The following LSM14A variants were observed in gnomAD, a reference collection of about 807,000 sequenced individuals.
The protein encoded by LSM14A is protein LSM14 homolog A.
LSM14A carries 14 observed loss-of-function variants against 52.4 expected under a neutral mutation model. That is an observed-to-expected ratio of 0.27 (90% CI 0.18 to 0.42). The LOEUF is 0.42. LSM14A is among the 10% of genes least tolerant of loss of function. The pLI is 1.00. For missense variants in LSM14A, 417 were observed against 581.8 expected (o/e 0.72, Z 2.91); for synonymous variants, 185 against 200.3 (o/e 0.92, Z 0.64).
intron 1 of LSM14A, among the ~76,000 whole-genome samples, chr19:34,174,480 C>T (rs1267598915): frequency 6.6e-6 from 1 of 152,192 alleles, no homozygotes; most frequent in Non-Finnish European, 1.5e-5. Flanking sequence ...TCCCTCTTCA[C>T]CTTGTGAAAC....
Position 34,192,632 on chromosome 19 carries a change from C to CAA in LSM14A, c.122-1812_122-1811dup, listed in dbSNP as rs548374017. 7.5e-3 allele frequency among the ~76,000 whole-genome samples: 577 copies of CAA among 76,866 alleles called. 33 individuals are homozygous for CAA. The highest frequency in any genetic ancestry group is 0.024 in the East Asian group (26 of 1,086). 50.4% of individuals were successfully genotyped at this position (76,866 alleles called of 152,430 possible). A position where few individuals can be genotyped will look rare whatever the true frequency, so the allele number is the denominator to read the frequency against. ...GGCATGAGGCGCTGCATCAGTTCTGCAAAAAAAAAAAAAAAAAAAAAAAAA... is the reference window on the plus strand; with the variant it reads ...GGCATGAGGCGCTGCATCAGTTCTGCAAAAAAAAAAAAAAAAAAAAAAAAAAA... On this transcript the variant is annotated intron_variant, in intron 1 of 9. Coordinates refer to ENST00000544216, the MANE Select transcript of LSM14A (RefSeq NM_015578.4).
intron 3 of LSM14A, among the ~76,000 whole-genome samples, chr19:34,206,527 T>C (rs980204100): frequency 2.0e-5 from 3 of 150,238 alleles, no homozygotes; most frequent in African/African-American, 4.9e-5. Context: ...AAAAAAAAAT[T>C]AGTTGGGCAT....
Position 34,227,477 on chromosome 19 carries a change from G to A in LSM14A, c.*89G>A. On this transcript the variant is annotated 3_prime_UTR_variant, in exon 10 of 10. Transcript: ENST00000544216. ...CAGTCTTTGCAAAGAATGAAGAAGT[G>A]AATTCGCTGTACATTTGTCACCAGC... The A allele has an allele frequency of 3.0e-6, 3 of 1,002,368 alleles. No homozygotes were observed. The South Asian group carries it at 4.9e-5, about 16-fold the overall frequency. 62.1% of individuals were successfully genotyped at this position (1,002,368 alleles called of 1,614,324 possible).
At chr19:34,180,699 A>G (rs1317349013) in intron 1 of LSM14A, among the ~76,000 whole-genome samples, 1 of 151,734 alleles carries the variant, frequency 6.6e-6, no homozygotes, top group South Asian at 2.1e-4. Flanking sequence ...TCCTGCTTCA[A>G]CTCCATGAGC....
chr19:34,215,626 A>G lies in LSM14A; in HGVS notation c.746A>G (p.Asn249Ser), dbSNP rs73929373. ...GTACACAAAGTTTCAAGGCCAGAAA[A>G]TGAGCAACTCAGAAATGATAACAAG... Reference protein sequence around the residue: ...AEVHKVSRPENEQLRNDNKRQ... With the variant: ...AEVHKVSRPESEQLRNDNKRQ... The change falls in exon 6 of 10, where the codon AAT becomes AGT. Residue 249 changes from asparagine to serine, a missense_variant. By Grantham distance (46) the Asn-to-Ser change is conservative. Around this residue, in one of 2 missense-constraint regions of LSM14A, gnomAD observed 357 missense variants for 457.0 expected, o/e 0.78. Coordinates refer to ENST00000544216, the MANE Select transcript of LSM14A (RefSeq NM_015578.4). The G allele has an allele frequency of 0.051, 82,384 of 1,612,922 alleles. 4,617 individuals are homozygous for G. Among genetic ancestry groups the G allele is most frequent in the African/African-American group, 0.23 (17,147 of 74,852 alleles).
chr19:34,221,856 T>C, intron 9 of LSM14A, 118 bp downstream of exon 9: 2 of 1,449,724 alleles, frequency 1.4e-6, no homozygotes, highest in Non-Finnish European at 1.8e-6. Flanking sequence ...TAACTTCCAT[T>C]TTGACTTTTC....
intron 8 of LSM14A, 40 bp downstream of exon 8, chr19:34,219,917 T>C (rs2072937279): frequency 1.4e-6 from 2 of 1,422,860 alleles, no homozygotes; most frequent in African/African-American, 1.4e-5. Context: ...ATGATATTGA[T>C]TGAAGTGTAA....
At chr19:34,217,019 TG>T (rs2072653036) in intron 6 of LSM14A, among the ~76,000 whole-genome samples, 1 of 152,114 alleles carries the variant, frequency 6.6e-6, no homozygotes, top group Non-Finnish European at 1.5e-5. Context: ...CTCAGCACTT[TG>T]GGACGCCGAG....
chr19:34,206,679 G>C (rs1216372716), intron 3 of LSM14A, among the ~76,000 whole-genome samples: 1 of 151,664 alleles, frequency 6.6e-6, no homozygotes, highest in Non-Finnish European at 1.5e-5. Flanking sequence ...ATCTCAAAAA[G>C]AAAAAAAGAA....
chr19:34,181,228 C>T (rs758902898), intron 1 of LSM14A, among the ~76,000 whole-genome samples: 4 of 152,166 alleles, frequency 2.6e-5, no homozygotes, highest in Admixed American at 6.5e-5. Flanking sequence ...CCTTCCCTAA[C>T]GTATCTTTCT....
intron 9 of LSM14A, chr19:34,226,323 C>T: frequency 1.7e-6 from 2 of 1,210,450 alleles, no homozygotes; most frequent in Non-Finnish European, 2.3e-6. Context: ...GCTCTCTCTC[C>T]TCTCCCCCTT....
intron 1 of LSM14A, among the ~76,000 whole-genome samples, chr19:34,183,437 G>A (rs904686946): frequency 6.6e-6 from 1 of 152,234 alleles, no homozygotes; most frequent in Admixed American, 6.5e-5. Context: ...TGTAATCCCA[G>A]CTACTTGGGA....
intron 1 of LSM14A, among the ~76,000 whole-genome samples, chr19:34,177,278 T>C (rs1310436605): frequency 6.6e-6 from 1 of 152,202 alleles, no homozygotes; most frequent in Non-Finnish European, 1.5e-5. Flanking sequence ...TAAAACATCA[T>C]AGAGATACTT....
At chr19:34,212,785 T>C (rs2072266380) in intron 4 of LSM14A, among the ~76,000 whole-genome samples, 1 of 152,202 alleles carries the variant, frequency 6.6e-6, no homozygotes, top group Admixed American at 6.5e-5. Context: ...TTAGTAGGCC[T>C]TAATAGTGAA....
intron 4 of LSM14A, among the ~76,000 whole-genome samples, chr19:34,212,337 T>G (rs2072226149): frequency 6.6e-6 from 1 of 152,150 alleles, no homozygotes; most frequent in East Asian, 1.9e-4. Context: ...AAGAATTTAG[T>G]AGATGATAAA....
intron 4 of LSM14A, 148 bp downstream of exon 4, chr19:34,209,199 C>T (rs1462184217): frequency 5.3e-6 from 3 of 566,924 alleles, no homozygotes; most frequent in Non-Finnish European, 9.1e-6. Flanking sequence ...CGCTGTATTG[C>T]AATGAATATA....
rs1287036941 is a variant in LSM14A, at chr19:34,228,414, A to T, written c.*1026A>T. The T allele has an allele frequency of 6.6e-6, 1 of 152,614 alleles. No individual in the cohort carries two copies. Among genetic ancestry groups the T allele is most frequent in the Non-Finnish European group, 1.5e-5 (1 of 68,036 alleles). The allele number at this position is 152,614 out of a possible 1,614,324, so 9.5% of individuals were successfully genotyped here. A position where few individuals can be genotyped will look rare whatever the true frequency, so the allele number is the denominator to read the frequency against. On this transcript the variant is annotated 3_prime_UTR_variant, in exon 10 of 10. Coordinates refer to ENST00000544216, the MANE Select transcript of LSM14A (RefSeq NM_015578.4). ...AAGTAATCTTCCCCCCTTTTGTAGG[A>T]CTTTAAAACTAGGCATCAATGAACC...
intron 3 of LSM14A, among the ~76,000 whole-genome samples, chr19:34,197,798 C>T (rs1275170730): frequency 6.6e-6 from 1 of 152,084 alleles, no homozygotes; most frequent in Non-Finnish European, 1.5e-5. Context: ...CATAAAGATA[C>T]GCATAGCATG....
rs1326841542 is a variant in LSM14A, at chr19:34,226,490, G to A, written c.1369-875G>A. ...GTAAAAAAAACAAATACTTTGGGAG[G>A]TGTGAAGGTTGGCTTTGTGGGGGAC... On this transcript the variant is annotated intron_variant, in intron 9 of 9. Coordinates refer to ENST00000544216, the MANE Select transcript of LSM14A (RefSeq NM_015578.4). 2.0e-6 allele frequency: 3 copies of A among 1,506,352 alleles called. No individual in the cohort carries two copies. In the Admixed American group the frequency reaches 7.1e-5, roughly 36 times the overall value. 93.3% of individuals were successfully genotyped at this position (1,506,352 alleles called of 1,614,324 possible). A position where few individuals can be genotyped will look rare whatever the true frequency, so the allele number is the denominator to read the frequency against.
Sources: gnomAD v4.1 joint callset for allele counts (sites outside exome capture counted in the v4.1 genomes callset) on GRCh38, gnomAD v4.1.1 for gene constraint, gnomAD v4.1.1 regional missense constraint, MANE v1.5 for transcripts, NCBI Gene and HGNC (gene_info 2026-07-23, HGNC 2026-07-21) for gene names.